The following KLF12 variants were observed in gnomAD, a reference collection of about 807,000 sequenced individuals.
The protein encoded by KLF12 is KLF transcription factor 12.
Under a neutral mutation model 37.8 loss-of-function variants are expected in KLF12, and 9 were observed. The observed-to-expected ratio is 0.24, with a 90% CI of 0.14 to 0.42. The LOEUF (loss-of-function observed/expected upper bound fraction) is 0.42, where lower values mean the gene tolerates loss of function less well. KLF12 is among the 10% of genes least tolerant of loss of function. The pLI is 1.00. For missense variants in KLF12, 411 were observed against 516.0 expected (o/e 0.80, Z 1.97); for synonymous variants, 208 against 202.1 (o/e 1.03, Z -0.25).
chr13:73,938,908 C>A (rs897359031), intron 3 of KLF12, among the ~76,000 whole-genome samples: 1 of 152,208 alleles, frequency 6.6e-6, no homozygotes, highest in Non-Finnish European at 1.5e-5. Context: ...CCCTTTCTAG[C>A]TACATGGCTA....
intron 1 of KLF12, among the ~76,000 whole-genome samples, chr13:74,003,725 C>G (rs1892340690): frequency 6.6e-6 from 1 of 152,110 alleles, no homozygotes; most frequent in South Asian, 2.1e-4. Flanking sequence ...TGAAAATATG[C>G]TTACAGATGG....
chr13:74,184,849 T>C, the KLF12 span, among the ~76,000 whole-genome samples: 1 of 152,190 alleles, frequency 6.6e-6, no homozygotes, highest in South Asian at 2.1e-4. Flanking sequence ...TTAACTGCAA[T>C]CAGAAAAGTT....
rs558494356 is a variant in KLF12, at chr13:73,764,044, G to A, written c.869+894C>T. 4.2e-4 allele frequency among the ~76,000 whole-genome samples: 64 copies of A among 152,108 alleles called. 1 individual carries two copies. The highest frequency in any genetic ancestry group is 1.5e-3 in the African/African-American group (63 of 41,490). ...TGTGTCTAAAAATAATCTTGATTTAGGAATAAAATTAATTTGGAAGCTCAA... is the reference window on the plus strand; with the variant it reads ...TGTGTCTAAAAATAATCTTGATTTAAGAATAAAATTAATTTGGAAGCTCAA... On this transcript the variant is annotated intron_variant, in intron 6 of 7. Coordinates refer to ENST00000377669, the MANE Select transcript of KLF12 (RefSeq NM_007249.5).
At chr13:74,251,121 C>T in the KLF12 span, among the ~76,000 whole-genome samples, 2 of 152,060 alleles carry the variant, frequency 1.3e-5, no homozygotes, top group South Asian at 2.1e-4. Context: ...ATCTCGTGAA[C>T]TCATTGTACT....
chr13:73,750,459 C>G (rs182128783), intron 6 of KLF12, among the ~76,000 whole-genome samples: 25 of 152,240 alleles, frequency 1.6e-4, no homozygotes, highest in African/African-American at 5.1e-4. Flanking sequence ...AGCCTTCATA[C>G]TGGAGGGCCT....
intron 4 of KLF12, among the ~76,000 whole-genome samples, chr13:73,824,874 C>G (rs1566396381): frequency 6.6e-6 from 1 of 152,076 alleles, no homozygotes; most frequent in Non-Finnish European, 1.5e-5. Flanking sequence ...TCGAGACCAG[C>G]CTGGCCAACA....
At chr13:74,184,940 A>G in the KLF12 span, among the ~76,000 whole-genome samples, 2 of 152,216 alleles carry the variant, frequency 1.3e-5, no homozygotes, top group African/African-American at 4.8e-5. Flanking sequence ...ACATTTTACT[A>G]TTGAAGTACA....
At chr13:73,884,224 G>A (rs927490757) in intron 3 of KLF12, among the ~76,000 whole-genome samples, 1 of 152,156 alleles carries the variant, frequency 6.6e-6, no homozygotes, top group Non-Finnish European at 1.5e-5. Context: ...TGTCTAAAAT[G>A]CAACTGTACC....
At chr13:74,103,532 T>C (rs1185195383) in intron 1 of KLF12, among the ~76,000 whole-genome samples, 2 of 152,194 alleles carry the variant, frequency 1.3e-5, no homozygotes, top group Non-Finnish European at 1.5e-5. Flanking sequence ...CTCCTAAAAG[T>C]AGCCTAAGCA....
chr13:73,775,594 T>A (rs1183957622), intron 5 of KLF12, among the ~76,000 whole-genome samples: 1 of 152,246 alleles, frequency 6.6e-6, no homozygotes, highest in African/African-American at 2.4e-5. Context: ...AGGTTCTAGT[T>A]CTTTATTACA....
chr13:73,782,411 T>A (rs538214555), intron 5 of KLF12, among the ~76,000 whole-genome samples: 1 of 152,350 alleles, frequency 6.6e-6, no homozygotes, highest in Admixed American at 6.5e-5. Context: ...CTCTGGGTGC[T>A]GGCATTGACA....
chr13:74,177,040 T>G, the KLF12 span, among the ~76,000 whole-genome samples: 1 of 152,238 alleles, frequency 6.6e-6, no homozygotes, highest in Admixed American at 6.5e-5. Context: ...TTCTAAAGAA[T>G]CTTCCTTGAT....
At chr13:73,932,436 A>G (rs915684141) in intron 3 of KLF12, among the ~76,000 whole-genome samples, 1 of 152,214 alleles carries the variant, frequency 6.6e-6, no homozygotes, top group Non-Finnish European at 1.5e-5. Context: ...CCTTCAGAGC[A>G]CAGCATTTTT....
chr13:74,069,735 A>T (rs1384746759), intron 1 of KLF12, among the ~76,000 whole-genome samples: 2 of 152,228 alleles, frequency 1.3e-5, no homozygotes, highest in Non-Finnish European at 2.9e-5. Context: ...ATAAAAAAAT[A>T]GAAGAAGAAT....
At chr13:73,998,968 T>C (rs1892197865) in intron 1 of KLF12, among the ~76,000 whole-genome samples, 1 of 152,230 alleles carries the variant, frequency 6.6e-6, no homozygotes, top group African/African-American at 2.4e-5. Flanking sequence ...TCTGAACTTG[T>C]ACAGCATGAC....
At chr13:74,106,658 A>G (rs188561948) in intron 1 of KLF12, among the ~76,000 whole-genome samples, 1 of 152,304 alleles carries the variant, frequency 6.6e-6, no homozygotes, top group East Asian at 1.9e-4. Context: ...TATTCAACAA[A>G]ACGTAACTGC....
the KLF12 span, among the ~76,000 whole-genome samples, chr13:74,232,960 A>G: frequency 1.1e-3 from 169 of 152,188 alleles, no homozygotes; most frequent in African/African-American, 3.8e-3. Flanking sequence ...ATCTCAGCTC[A>G]CTGCAACCTC....
chr13:73,809,654 TA>T (rs1254837313), intron 5 of KLF12, among the ~76,000 whole-genome samples: 2 of 152,164 alleles, frequency 1.3e-5, no homozygotes, highest in East Asian at 3.9e-4. Context: ...ATATTACTAT[TA>T]GTTTTCAAAG....
At chr13:74,037,412 C>T (rs1453664406) in intron 1 of KLF12, among the ~76,000 whole-genome samples, 1 of 152,090 alleles carries the variant, frequency 6.6e-6, no homozygotes, top group Admixed American at 6.5e-5. Flanking sequence ...TTAGACCCCC[C>T]ATGCCTACCA....
Sources: gnomAD v4.1 joint callset for allele counts (sites outside exome capture counted in the v4.1 genomes callset) on GRCh38, gnomAD v4.1.1 for gene constraint, MANE v1.5 for transcripts, NCBI Gene and HGNC (gene_info 2026-07-23, HGNC 2026-07-21) for gene names.